The following BNC2 variants were observed in gnomAD, a reference collection of about 807,000 sequenced individuals.
The protein encoded by BNC2 is zinc finger protein basonuclin-2.
BNC2 carries 20 observed loss-of-function variants against 76.3 expected under a neutral mutation model. That is an observed-to-expected ratio of 0.26 (90% CI 0.18 to 0.38). BNC2 has a LOEUF of 0.38. BNC2 is among the 10% of genes least tolerant of loss of function. The pLI is 1.00. For missense variants in BNC2, 1,382 were observed against 1,399.8 expected, an observed-to-expected ratio of 0.99 and a Z score of 0.20; for synonymous variants, 582 against 514.8, an observed-to-expected ratio of 1.13 and a Z score of -1.77.
At chr9:16,676,044 G>T (rs544906660) in intron 3 of BNC2, among the ~76,000 whole-genome samples, 1 of 152,240 alleles carries the variant, frequency 6.6e-6, no homozygotes, top group East Asian at 1.9e-4. Context: ...CAGCCTGGGT[G>T]ACAAAGCGAG....
rs139996582 is a variant in BNC2 at position 16,415,250 on chromosome 9, A to T, written c.*3739T>A. ...GATTTTTATCACACTTTTAAACCAA[A>T]TTCCTCATTATCTATCCTTTTTTTC... On this transcript the variant is annotated 3_prime_UTR_variant, in exon 7 of 7. Coordinates refer to ENST00000380672, the MANE Select transcript of BNC2 (RefSeq NM_017637.6). 511 of 152,682 alleles carry T rather than the reference A, an allele frequency of 3.3e-3. 3 individuals carry two copies. The highest frequency in any genetic ancestry group is 0.012 in the African/African-American group (492 of 41,556). The allele number at this position is 152,682 out of a possible 1,614,324, so 9.5% of individuals were successfully genotyped here.
chr9:16,766,312 G>T (rs1192813736), intron 1 of BNC2, among the ~76,000 whole-genome samples: 1 of 152,078 alleles, frequency 6.6e-6, no homozygotes, highest in Non-Finnish European at 1.5e-5. Context: ...TTGGGGGAAG[G>T]TGGGAGGGAT....
intron 3 of BNC2, among the ~76,000 whole-genome samples, chr9:16,701,054 T>C (rs951023881): frequency 2.0e-5 from 3 of 151,910 alleles, no homozygotes; most frequent in Non-Finnish European, 2.9e-5. Flanking sequence ...AACTGAAGAG[T>C]TGCACTAGGC....
At chr9:16,845,670 G>C (rs149025144) in intron 1 of BNC2, among the ~76,000 whole-genome samples, 22 of 151,738 alleles carry the variant, frequency 1.4e-4, no homozygotes, top group African/African-American at 5.3e-4. Flanking sequence ...GCAGTGAGCC[G>C]AGATCGCACC....
chr9:16,555,173 C>T (rs998727636), intron 4 of BNC2, among the ~76,000 whole-genome samples: 2 of 148,198 alleles, frequency 1.3e-5, no homozygotes, highest in Non-Finnish European at 3.0e-5. Context: ...CGCCCACCAC[C>T]ACGCCTGACT....
At position 16,436,201 on chromosome 9, in the gene BNC2, C is replaced by G; in HGVS notation, c.1993G>C (p.Ala665Pro). The change falls in exon 6 of 7, where the codon GCT becomes CCT. Residue 665 changes from alanine (A) to proline (P), a missense_variant. Around this residue, in one of 3 missense-constraint regions of BNC2, gnomAD observed 798 missense variants for 775.5 expected, o/e 1.03. Transcript: ENST00000380672. Reference protein sequence around the residue: ...DEDDDPNDGGAVVNDMSHDNH... With the variant: ...DEDDDPNDGGPVVNDMSHDNH... ...TCATGGCTCATGTCATTGACCACAG[C>G]TCCACCATCATTGGGGTCATCATCT... is the stretch of plus-strand genomic sequence containing the variant. 6.2e-7 allele frequency: 1 copy of G among 1,614,192 alleles called. No homozygotes were observed. Among genetic ancestry groups the G allele is most frequent in the Non-Finnish European group, 8.5e-7 (1 of 1,180,030 alleles).
chr9:16,862,435 C>A (rs1201281782), intron 1 of BNC2, among the ~76,000 whole-genome samples: 1 of 152,042 alleles, frequency 6.6e-6, no homozygotes, highest in African/African-American at 2.4e-5. Flanking sequence ...TAGAAATTAC[C>A]AAACTCACTT....
chr9:16,809,179 A>G (rs1817984757), intron 1 of BNC2, among the ~76,000 whole-genome samples: 1 of 152,132 alleles, frequency 6.6e-6, no homozygotes, highest in Non-Finnish European at 1.5e-5. Context: ...GCCTTGTCTC[A>G]GCGCTGCATG....
chr9:16,477,231 C>T (rs753156767), intron 5 of BNC2, among the ~76,000 whole-genome samples: 2 of 152,148 alleles, frequency 1.3e-5, no homozygotes, highest in Admixed American at 6.5e-5. Context: ...TGCCCTCCAG[C>T]GTGGGTGACA....
intron 3 of BNC2, among the ~76,000 whole-genome samples, chr9:16,646,245 C>A (rs766940947): frequency 2.6e-5 from 4 of 152,154 alleles, no homozygotes; most frequent in Non-Finnish European, 5.9e-5. Flanking sequence ...CTGGGGAATT[C>A]CAGCACCCTT....
chr9:16,579,883 A>T, intron 4 of BNC2: 1 of 383,966 alleles, frequency 2.6e-6, no homozygotes. Flanking sequence ...GCATTTGGTT[A>T]TTTTTTAGCA....
intron 5 of BNC2, among the ~76,000 whole-genome samples, chr9:16,539,597 C>T (rs1329514190): frequency 3.9e-5 from 2 of 51,156 alleles, no homozygotes; most frequent in Admixed American, 2.4e-4. Flanking sequence ...AGGGAGGGAG[C>T]GAGGGAGGGA....
At chr9:16,601,266 T>C (rs1447483791) in intron 3 of BNC2, among the ~76,000 whole-genome samples, 1 of 152,194 alleles carries the variant, frequency 6.6e-6, no homozygotes, top group Non-Finnish European at 1.5e-5. Flanking sequence ...TCCAGTCCAC[T>C]TGCACAACCC....
intron 3 of BNC2, among the ~76,000 whole-genome samples, chr9:16,711,010 C>G (rs1277877020): frequency 1.3e-5 from 2 of 152,114 alleles, no homozygotes; most frequent in Non-Finnish European, 2.9e-5. Flanking sequence ...TAGAGTGCAG[C>G]TCTTGGCCAT....
intron 2 of BNC2, 175 bp from the exon 3 acceptor site, chr9:16,728,172 A>C (rs1271390434): frequency 2.8e-6 from 2 of 704,972 alleles, no homozygotes; most frequent in South Asian, 3.1e-5. Flanking sequence ...ATTTATGCAT[A>C]GATTGTGACT....
chr9:16,762,182 C>T (rs184732864), intron 1 of BNC2, among the ~76,000 whole-genome samples: 41 of 152,206 alleles, frequency 2.7e-4, no homozygotes, highest in African/African-American at 9.2e-4. Flanking sequence ...TGGACATCAT[C>T]AAGTTGGTGC....
At chr9:16,785,018 T>C (rs1826247308) in intron 1 of BNC2, among the ~76,000 whole-genome samples, 1 of 152,232 alleles carries the variant, frequency 6.6e-6, no homozygotes, top group East Asian at 1.9e-4. Flanking sequence ...ACAGTATGAA[T>C]ACAGTATTCT....
At chr9:16,470,845 T>G (rs1006594235) in intron 5 of BNC2, among the ~76,000 whole-genome samples, 3 of 152,192 alleles carry the variant, frequency 2.0e-5, no homozygotes, top group African/African-American at 7.2e-5. Context: ...GCTGCAGCAG[T>G]GCAAAAGGGA....
rs558713003 is a variant in BNC2, at chr9:16,522,626, C to A, written c.669+29904G>T. Among the ~76,000 whole-genome samples the A allele has an allele frequency of 1.1e-4, 17 of 152,200 alleles. No homozygotes were observed. In the East Asian group the frequency reaches 3.1e-3, roughly 28 times the overall value. ...GAGCCAAGAGGCCTGAAGGTCATTT[C>A]GTGTTTTTTAAGGTTTGAAGCTTTT... On this transcript the variant is annotated intron_variant, in intron 5 of 6. Coordinates refer to ENST00000380672, the MANE Select transcript of BNC2 (RefSeq NM_017637.6).
Sources: allele counts gnomAD v4.1 joint callset (sites outside exome capture counted in the v4.1 genomes callset), GRCh38; gene constraint gnomAD v4.1.1; regional missense constraint gnomAD v4.1.1; transcripts MANE v1.5; gene names NCBI Gene and HGNC (gene_info 2026-07-23, HGNC 2026-07-21).